PCAT7: variants seen among roughly 807,000 people sequenced by gnomAD.
PCAT7 encodes the protein prostate cancer associated transcript 7 (non-protein coding).
Position 94,571,512 on chromosome 9 carries a change from G to C in PCAT7, n.442-1467G>C, listed in dbSNP as rs1195301646. 1.2e-6 allele frequency: 2 copies of C among 1,614,014 alleles called. No individual in the cohort carries two copies. The highest frequency in any genetic ancestry group is 3.3e-5 in the Admixed American group (2 of 60,026). ...CCTTGCCCTGTGGAGAGAGCCACCA[G>C]GGTTGCACTACCGTACAGCGCATAA... On this transcript the variant is annotated intron_variant and non_coding_transcript_variant, in intron 2 of 8. Transcript: ENST00000647389.
chr9:94,566,283 T>A (rs1055186254), intron 2 of PCAT7, among the ~76,000 whole-genome samples: 1 of 152,276 alleles, frequency 6.6e-6, no homozygotes, highest in Non-Finnish European at 1.5e-5. Flanking sequence ...CATGATGGTC[T>A]TAATGCCCAC....
intron 2 of PCAT7, among the ~76,000 whole-genome samples, chr9:94,559,795 T>C (rs1248593644): frequency 6.6e-6 from 1 of 152,200 alleles, no homozygotes; most frequent in East Asian, 1.9e-4. Flanking sequence ...TCTAGGCTGC[T>C]GTCCATCCTA....
chr9:94,559,323 T>C (rs1827058863), intron 2 of PCAT7, among the ~76,000 whole-genome samples: 1 of 152,182 alleles, frequency 6.6e-6, no homozygotes, highest in Non-Finnish European at 1.5e-5. Context: ...ATGGCACTCA[T>C]CCAGAAGCCT....
At chr9:94,558,858 A>T in intron 1 of PCAT7, 1 of 1,317,190 alleles carries the variant, frequency 7.6e-7, no homozygotes, top group Non-Finnish European at 1.1e-6. Context: ...ACTCATAGCT[A>T]CCATCTCTGT....
intron 2 of PCAT7, among the ~76,000 whole-genome samples, chr9:94,572,506 G>C (rs944905122): frequency 5.9e-5 from 9 of 152,154 alleles, no homozygotes; most frequent in African/African-American, 2.2e-4. Flanking sequence ...TCATGGTCTG[G>C]TCTTCCAGCG....
At chr9:94,562,562 G>A (rs888804822) in intron 2 of PCAT7, among the ~76,000 whole-genome samples, 3 of 152,086 alleles carry the variant, frequency 2.0e-5, no homozygotes, top group Admixed American at 6.6e-5. Context: ...CTTAGCATTC[G>A]AATAATTCAA....
chr9:94,571,509 C>G (rs1827268511), intron 2 of PCAT7: 2 of 1,613,950 alleles, frequency 1.2e-6, no homozygotes, highest in South Asian at 2.2e-5. Flanking sequence ...GAGAGAGCCA[C>G]CAGGGTTGCA....
At chr9:94,563,716 A>G (rs6479554) in intron 2 of PCAT7, among the ~76,000 whole-genome samples, 78,085 of 150,356 alleles carry the variant, frequency 0.52, 21,080 homozygotes, top group Admixed American at 0.63. Flanking sequence ...GCAATCTTAA[A>G]AGAGCCGCTA....
intron 2 of PCAT7, among the ~76,000 whole-genome samples, chr9:94,566,152 T>A (rs10821370): frequency 0.36 from 55,332 of 152,206 alleles, 11,432 homozygotes; most frequent in Admixed American, 0.48. Context: ...TGACTTCTTT[T>A]TGTTTCCTAA....
intron 2 of PCAT7, among the ~76,000 whole-genome samples, chr9:94,564,018 A>C (rs988242894): frequency 2.6e-5 from 4 of 152,170 alleles, no homozygotes; most frequent in African/African-American, 4.8e-5. Flanking sequence ...AAAGAGACTT[A>C]GACACCCCCC....
At chr9:94,559,519 T>C (rs1252912071) in intron 2 of PCAT7, among the ~76,000 whole-genome samples, 1 of 149,604 alleles carries the variant, frequency 6.7e-6, no homozygotes, top group Non-Finnish European at 1.5e-5. Flanking sequence ...TCAAGGCTGG[T>C]AAAGAGTCAA....
At chr9:94,563,239 G>C in intron 2 of PCAT7, 1 of 1,316,508 alleles carries the variant, frequency 7.6e-7, no homozygotes, top group Non-Finnish European at 1.0e-6. Context: ...TCCCCACACA[G>C]ACATGCCATG....
intron 2 of PCAT7, chr9:94,570,450 CTG>C (rs1396957309): frequency 2.6e-5 from 4 of 152,198 alleles, no homozygotes; most frequent in Non-Finnish European, 5.9e-5. Context: ...CATAGGGCCA[CTG>C]TGACATTTAA....
intron 2 of PCAT7, chr9:94,563,432 A>G: frequency 1.2e-6 from 2 of 1,613,982 alleles, no homozygotes; most frequent in East Asian, 2.2e-5. Context: ...TGGAGCCCAC[A>G]TACCTGGCCC....
intron 3 of PCAT7, among the ~76,000 whole-genome samples, chr9:94,574,063 A>G (rs923552366): frequency 6.6e-6 from 1 of 152,184 alleles, no homozygotes; most frequent in Non-Finnish European, 1.5e-5. Flanking sequence ...CGTTTCATCT[A>G]AGTTGTCAAA....
intron 2 of PCAT7, chr9:94,563,301 T>A: frequency 6.2e-7 from 1 of 1,605,820 alleles, no homozygotes; most frequent in Non-Finnish European, 8.5e-7. Context: ...CTCCCCCACC[T>A]CCCTGACCGG....
chr9:94,568,158 T>C (rs939297759), intron 2 of PCAT7: 4 of 151,986 alleles, frequency 2.6e-5, no homozygotes, highest in African/African-American at 4.8e-5. Flanking sequence ...GTACAGTTAT[T>C]TTGTTTATGT....
At chr9:94,558,877 C>A in intron 1 of PCAT7, 2 of 1,488,514 alleles carry the variant, frequency 1.3e-6, no homozygotes, top group South Asian at 2.3e-5. Context: ...GTTTATCGTT[C>A]ATTTAGGGTC....
chr9:94,573,419 C>G (rs2987882), intron 3 of PCAT7, among the ~76,000 whole-genome samples: 40,138 of 151,972 alleles, frequency 0.26, 6,708 homozygotes, highest in East Asian at 0.53. Context: ...CTACCACCCC[C>G]CTCTCCAGCT....
Sources: gnomAD v4.1 joint callset for allele counts (sites outside exome capture counted in the v4.1 genomes callset) on GRCh38, gnomAD v4.1.1 for gene constraint, MANE v1.5 for transcripts, NCBI Gene and HGNC (gene_info 2026-07-23, HGNC 2026-07-21) for gene names.